ATP2C2: variants seen among roughly 807,000 people sequenced by gnomAD.
The protein encoded by ATP2C2 is calcium-transporting ATPase type 2C member 2.
A neutral mutation model predicts 110.8 loss-of-function variants in ATP2C2; 171 were observed. The ratio of observed to expected loss-of-function variants is 1.54; its 90% CI spans 1.36 to 1.75. ATP2C2 has a LOEUF of 1.75. Among genes scored for constraint, ATP2C2 ranks in the 40% most tolerant of loss-of-function variants. The pLI is 0.00. For synonymous variants in ATP2C2, 804 were observed against 508.4 expected (o/e 1.58, Z -7.82); for missense variants, 1,963 against 1,235.0 (o/e 1.59, Z -8.84).
At chr16:84,446,304 A>C in intron 15 of ATP2C2, 25 bp from the exon 16 acceptor site, 2 of 1,462,374 alleles carry the variant, frequency 1.4e-6, no homozygotes, top group Non-Finnish European at 9.4e-7. Flanking sequence ...TGACTCACTA[A>C]AAATGTGTCA....
chr16:84,385,664 A>G (rs1904309202), intron 1 of ATP2C2, among the ~76,000 whole-genome samples: 1 of 152,224 alleles, frequency 6.6e-6, no homozygotes, highest in African/African-American at 2.4e-5. Flanking sequence ...ATGTCTGGGG[A>G]GGCCTCAGGA....
At chr16:84,452,344 T>G (rs1910363935) in intron 18 of ATP2C2, among the ~76,000 whole-genome samples, 1 of 152,142 alleles carries the variant, frequency 6.6e-6, no homozygotes, top group African/African-American at 2.4e-5. Flanking sequence ...TGTCAGGGGC[T>G]TTTCATCCGC....
At chr16:84,369,394 C>G (rs929286268) in intron 1 of ATP2C2, among the ~76,000 whole-genome samples, 1 of 124,306 alleles carries the variant, frequency 8.0e-6, no homozygotes, top group Non-Finnish European at 1.6e-5. Flanking sequence ...TGAGGGTGAC[C>G]CAACACCCTT....
chr16:84,445,568 G>A lies in ATP2C2; in HGVS notation c.1402-761G>A, dbSNP rs537321914. Among the ~76,000 whole-genome samples, 8 of 152,174 alleles carry A rather than the reference G, an allele frequency of 5.3e-5. No homozygotes were observed. In the East Asian group the frequency reaches 1.4e-3, roughly 26 times the overall value. On this transcript the variant is annotated intron_variant, in intron 15 of 26. Transcript: ENST00000262429. ...CCAACCCTAATAGCCTCAAATTGAC[G>A]ATATCTGCAAAGGCGCTATTCCAAA...
intron 7 of ATP2C2, among the ~76,000 whole-genome samples, chr16:84,418,948 C>G (rs989288559): frequency 9.2e-5 from 14 of 152,170 alleles, no homozygotes; most frequent in Middle Eastern, 3.4e-3. Flanking sequence ...GTGGCTCACT[C>G]CTGTAATCCC....
At position 84,376,535 on chromosome 16, in the gene ATP2C2, A is replaced by ATT. The variant is rs5741976; in HGVS notation, c.99+7835_99+7836dup. Among the ~76,000 whole-genome samples the ATT allele has an allele frequency of 4.6e-3, 674 of 145,098 alleles. 11 individuals carry two copies. Among genetic ancestry groups the ATT allele is most frequent in the South Asian group, 9.8e-3 (45 of 4,584 alleles). ...ACACATTATGAGATTTTTTTTGGCA[A>ATT]TTTTTTTTTTTTTTTAGCTCATCAG... On this transcript the variant is annotated intron_variant, in intron 1 of 26. Transcript: ENST00000262429.
chr16:84,449,954 C>G (rs929711067), intron 17 of ATP2C2, among the ~76,000 whole-genome samples: 4 of 152,234 alleles, frequency 2.6e-5, no homozygotes, highest in Non-Finnish European at 5.9e-5. Context: ...CTGTGTGAGG[C>G]CACGCCCTGA....
chr16:84,420,691 T>C (rs982221823), intron 7 of ATP2C2, among the ~76,000 whole-genome samples: 7 of 152,130 alleles, frequency 4.6e-5, no homozygotes, highest in African/African-American at 1.7e-4. Context: ...ATTTCCCTAA[T>C]GTCCTTTTTC....
At chr16:84,420,768 T>A (rs1907260339) in intron 7 of ATP2C2, among the ~76,000 whole-genome samples, 1 of 152,144 alleles carries the variant, frequency 6.6e-6, no homozygotes, top group African/African-American at 2.4e-5. Context: ...TGTGACAGTT[T>A]CTGATGTTCC....
chr16:84,462,127 T>G lies in ATP2C2; in HGVS notation c.2720T>G (p.Leu907Arg), dbSNP rs16973859. ...RVFQTENLGA[L>R]DLLFLTGLAS... ...TTCCAGACGGAGAACCTGGGAGCGC[T>G]TGGTGAGTGGTGGGGACGGGAACGA... The change falls in exon 26 of 27, where the codon CTT (leucine) becomes CGT (arginine). Residue 907 changes from leucine (L) to arginine (R), a missense_variant and splice_region_variant. By Grantham distance (102) the Leu-to-Arg change is moderately radical. Coordinates refer to ENST00000262429, the MANE Select transcript of ATP2C2 (RefSeq NM_014861.4). The G allele has an allele frequency of 6.2e-7, 1 of 1,612,780 alleles. No homozygotes were observed. The highest frequency in any genetic ancestry group is 1.1e-5 in the South Asian group (1 of 90,940).
At chr16:84,431,332 C>T (rs1431318713) in intron 11 of ATP2C2, among the ~76,000 whole-genome samples, 1 of 151,800 alleles carries the variant, frequency 6.6e-6, no homozygotes, top group African/African-American at 2.4e-5. Flanking sequence ...TGCATCTCTA[C>T]CAAAAATACA....
At chr16:84,461,833 C>T (rs199814527) in intron 25 of ATP2C2, 21 bp downstream of exon 25, 7 of 1,611,430 alleles carry the variant, frequency 4.3e-6, no homozygotes, top group East Asian at 2.2e-5. Context: ...GGCTGACCCT[C>T]CTCGCTGCAG....
intron 1 of ATP2C2, among the ~76,000 whole-genome samples, chr16:84,373,476 G>A (rs994393447): frequency 3.3e-5 from 5 of 151,338 alleles, no homozygotes; most frequent in African/African-American, 9.7e-5. Context: ...CTCCAGCCTG[G>A]GTGACAGAGC....
rs139342921 is a variant in ATP2C2 at position 84,386,168 on chromosome 16, C to T, written c.100-12331C>T. On this transcript the variant is annotated intron_variant, in intron 1 of 26. Coordinates refer to ENST00000262429, the MANE Select transcript of ATP2C2 (RefSeq NM_014861.4). ...TCCCAGTATCCTTGGCTGTTTTTAC[C>T]GGAAGAATTATATTTAGAAAGCAAG... Among the ~76,000 whole-genome samples, 870 of 152,090 alleles carry T rather than the reference C, an allele frequency of 5.7e-3. 11 individuals carry two copies. The highest frequency in any genetic ancestry group is 0.02 in the African/African-American group (818 of 41,476).
chr16:84,435,463 C>G (rs399304), intron 11 of ATP2C2, among the ~76,000 whole-genome samples: 1 of 152,044 alleles, frequency 6.6e-6, no homozygotes, highest in Non-Finnish European at 1.5e-5. Context: ...TGTTATACCC[C>G]CTTCTTCATG....
chr16:84,422,573 G>T (rs377548282), intron 8 of ATP2C2, 34 bp downstream of exon 8: 19 of 1,611,708 alleles, frequency 1.2e-5, no homozygotes, highest in Middle Eastern at 1.7e-4. Context: ...TTGGGCTCCC[G>T]TAACCCACAG....
rs1180605534 is a variant in ATP2C2, at chr16:84,394,005, AAAAAATAAAAAAAT to A, written c.100-4488_100-4475del. 1.5e-3 allele frequency among the ~76,000 whole-genome samples: 201 copies of A among 138,478 alleles called. 6 individuals carry two copies. The highest frequency in any genetic ancestry group is 5.4e-3 in the African/African-American group (192 of 35,494). 90.8% of individuals were successfully genotyped at this position (138,478 alleles called of 152,430 possible). A position where few individuals can be genotyped will look rare whatever the true frequency, so the allele number is the denominator to read the frequency against. On this transcript the variant is annotated intron_variant, in intron 1 of 26. Coordinates refer to ENST00000262429, the MANE Select transcript of ATP2C2 (RefSeq NM_014861.4). ...ACCTTGTCTCAATTAAAAATACCAA[AAAAAATAAAAAAAT>A]AAAAAATAAAAAGGCCTGGTGTGAT...
In ATP2C2 at chr16:84,439,417, G is replaced by C. The variant is rs145163175; in HGVS notation, c.1112-10G>C. On this transcript the variant is annotated splice_polypyrimidine_tract_variant and intron_variant, in intron 12 of 26. Coordinates refer to ENST00000262429, the MANE Select transcript of ATP2C2 (RefSeq NM_014861.4). ...ACTTCTCTTCTATAAACTGGTGTTTGTTGTACCAGGTTGCTGCAGCGTTCT... is the reference window on the plus strand; with the variant it reads ...ACTTCTCTTCTATAAACTGGTGTTTCTTGTACCAGGTTGCTGCAGCGTTCT... The C allele has an allele frequency of 6.2e-7, 1 of 1,613,918 alleles. No individual in the cohort carries two copies. Among genetic ancestry groups the C allele is most frequent in the South Asian group, 1.1e-5 (1 of 91,078 alleles).
intron 6 of ATP2C2, among the ~76,000 whole-genome samples, chr16:84,412,488 G>T (rs112331610): frequency 9.5e-6 from 1 of 104,756 alleles, no homozygotes. Context: ...ATGTGTATGT[G>T]TGCATGTGTG....
Sources: allele counts gnomAD v4.1 joint callset (sites outside exome capture counted in the v4.1 genomes callset), GRCh38; gene constraint gnomAD v4.1.1; transcripts MANE v1.5; gene names NCBI Gene and HGNC (gene_info 2026-07-23, HGNC 2026-07-21).